The following SGCZ variants were observed in gnomAD, a reference collection of about 807,000 sequenced individuals.
SGCZ encodes sarcoglycan zeta.
SGCZ carries 40 observed loss-of-function variants against 41.3 expected under a neutral mutation model. That is an observed-to-expected ratio of 0.97 (90% CI 0.75 to 1.26). The LOEUF (loss-of-function observed/expected upper bound fraction) is 1.26, where lower values mean the gene tolerates loss of function less well. Ranked by LOEUF, SGCZ falls within the 50% of genes most tolerant of loss-of-function variation. The probability of loss-of-function intolerance (pLI) is 0.00; values close to 1 mark genes in which losing one functional copy is unlikely to be tolerated. For synonymous variants in SGCZ, 206 were observed against 137.5 expected, an observed-to-expected ratio of 1.50 and a Z score of -3.49; for missense variants, 552 against 369.8, an observed-to-expected ratio of 1.49 and a Z score of -4.04.
intron 1 of SGCZ, among the ~76,000 whole-genome samples, chr8:14,774,080 A>G (rs1313930664): frequency 2.0e-5 from 3 of 152,242 alleles, no homozygotes; most frequent in African/African-American, 7.2e-5. Context: ...TTTTTCGTTG[A>G]GATTAACATT....
At chr8:14,780,789 T>G (rs1472435249) in intron 1 of SGCZ, among the ~76,000 whole-genome samples, 2 of 152,218 alleles carry the variant, frequency 1.3e-5, no homozygotes, top group African/African-American at 4.8e-5. Context: ...GTTTTCTTAG[T>G]GAAATTAGAA....
chr8:14,933,936 C>G (rs1179031562), intron 1 of SGCZ, among the ~76,000 whole-genome samples: 3 of 151,906 alleles, frequency 2.0e-5, no homozygotes, highest in Non-Finnish European at 4.4e-5. Context: ...AGAAAATGTT[C>G]TTAATCTTTA....
chr8:14,796,416 T>A (rs776645070), intron 1 of SGCZ, among the ~76,000 whole-genome samples: 7 of 148,018 alleles, frequency 4.7e-5, no homozygotes, highest in Non-Finnish European at 8.8e-5. Flanking sequence ...AGCATACTCA[T>A]TCTATTTTTG....
At chr8:14,966,452 T>C (rs1801128909) in intron 1 of SGCZ, among the ~76,000 whole-genome samples, 1 of 151,932 alleles carries the variant, frequency 6.6e-6, no homozygotes, top group African/African-American at 2.4e-5. Context: ...AGTGATTAAC[T>C]CTAGGGGAAT....
intron 2 of SGCZ, among the ~76,000 whole-genome samples, chr8:14,479,370 G>A (rs527796395): frequency 6.6e-6 from 1 of 152,100 alleles, no homozygotes; most frequent in South Asian, 2.1e-4. Flanking sequence ...TCTTTGCTCC[G>A]CCTGCTTTTA....
At chr8:14,712,964 T>G (rs1809570891) in intron 1 of SGCZ, among the ~76,000 whole-genome samples, 1 of 152,022 alleles carries the variant, frequency 6.6e-6, no homozygotes, top group South Asian at 2.1e-4. Context: ...AAACATGTTC[T>G]CCTCAAGACT....
At chr8:14,488,484 A>C (rs945639698) in intron 2 of SGCZ, among the ~76,000 whole-genome samples, 1 of 151,984 alleles carries the variant, frequency 6.6e-6, no homozygotes, top group African/African-American at 2.4e-5. Context: ...ACTTCAATAA[A>C]GTTGCAATTG....
intron 4 of SGCZ, among the ~76,000 whole-genome samples, chr8:14,167,386 G>A (rs942288253): frequency 6.6e-6 from 1 of 152,124 alleles, no homozygotes; most frequent in African/African-American, 2.4e-5. Context: ...ATGACTCTGG[G>A]TAAGGAGCTC....
At chr8:14,859,425 A>C (rs1329827186) in intron 1 of SGCZ, among the ~76,000 whole-genome samples, 1 of 152,096 alleles carries the variant, frequency 6.6e-6, no homozygotes, top group Non-Finnish European at 1.5e-5. Context: ...ACAATACGTT[A>C]TTACTATTAT....
intron 1 of SGCZ, among the ~76,000 whole-genome samples, chr8:14,656,114 C>T (rs1160584284): frequency 2.0e-5 from 3 of 151,968 alleles, no homozygotes; most frequent in Non-Finnish European, 4.4e-5. Context: ...CAGGAAAATT[C>T]CCAGGAGTGC....
intron 3 of SGCZ, among the ~76,000 whole-genome samples, chr8:14,275,648 G>A (rs936259476): frequency 1.6e-4 from 25 of 152,110 alleles, no homozygotes; most frequent in African/African-American, 5.3e-4. Context: ...ACCAGCTTAC[G>A]GACACTGATA....
intron 1 of SGCZ, among the ~76,000 whole-genome samples, chr8:15,109,765 T>C (rs1806975101): frequency 6.6e-6 from 1 of 152,174 alleles, no homozygotes; most frequent in African/African-American, 2.4e-5. Context: ...TTTGTGAACA[T>C]GTTAGCCATT....
intron 2 of SGCZ, among the ~76,000 whole-genome samples, chr8:14,521,966 G>A (rs1802804004): frequency 6.6e-6 from 1 of 152,064 alleles, no homozygotes; most frequent in African/African-American, 2.4e-5. Flanking sequence ...CTTAATCATG[G>A]ATGTGTGCAG....
chr8:14,335,384 G>T (rs937398006), intron 2 of SGCZ, among the ~76,000 whole-genome samples: 1 of 151,984 alleles, frequency 6.6e-6, no homozygotes, highest in South Asian at 2.1e-4. Context: ...TGAATTCCAA[G>T]GATGAATTTT....
intron 1 of SGCZ, among the ~76,000 whole-genome samples, chr8:14,669,493 T>A (rs981710674): frequency 6.6e-6 from 1 of 152,078 alleles, no homozygotes; most frequent in Admixed American, 6.6e-5. Context: ...TGCCCCTCCA[T>A]CCATAGGTAA....
chr8:14,864,568 A>C (rs1001046968), intron 1 of SGCZ, among the ~76,000 whole-genome samples: 7 of 152,188 alleles, frequency 4.6e-5, no homozygotes, highest in Non-Finnish European at 1.5e-5. Flanking sequence ...AAACAAATCA[A>C]TTAATAATAA....
intron 4 of SGCZ, among the ~76,000 whole-genome samples, chr8:14,168,036 T>C (rs1307330339): frequency 6.6e-6 from 1 of 152,186 alleles, no homozygotes; most frequent in Non-Finnish European, 1.5e-5. Context: ...AAAATGGATA[T>C]AGCTGCTTGT....
chr8:15,101,587 G>A (rs944986133), intron 1 of SGCZ, among the ~76,000 whole-genome samples: 1 of 152,152 alleles, frequency 6.6e-6, no homozygotes, highest in Non-Finnish European at 1.5e-5. Flanking sequence ...ATCAAATGCT[G>A]GTGAAGTGGA....
chr8:14,389,159 C>T (rs921401641), intron 2 of SGCZ, among the ~76,000 whole-genome samples: 3 of 151,462 alleles, frequency 2.0e-5, no homozygotes, highest in Non-Finnish European at 2.9e-5. Context: ...ATTAGAATAC[C>T]GGACAATATA....
Sources: allele counts gnomAD v4.1 joint callset (sites outside exome capture counted in the v4.1 genomes callset), GRCh38; gene constraint gnomAD v4.1.1; transcripts MANE v1.5; gene names NCBI Gene and HGNC (gene_info 2026-07-23, HGNC 2026-07-21).